The following DCC variants were observed in gnomAD, a reference collection of about 807,000 sequenced individuals.
DCC encodes DCC netrin 1 receptor, also known as netrin receptor DCC.
A neutral mutation model predicts 172.5 loss-of-function variants in DCC; 58 were observed. That is an observed-to-expected ratio of 0.34 (90% CI 0.27 to 0.42). The LOEUF is 0.42. DCC is among the 10% of genes least tolerant of loss of function. The probability of loss-of-function intolerance (pLI) is 1.00; values close to 1 mark genes in which losing one functional copy is unlikely to be tolerated. For missense variants in DCC, 1,740 were observed against 1,791.0 expected, an observed-to-expected ratio of 0.97 and a Z score of 0.51; for synonymous variants, 709 against 644.5, an observed-to-expected ratio of 1.10 and a Z score of -1.52.
At chr18:53,307,264 A>G (rs573310992) in intron 13 of DCC, among the ~76,000 whole-genome samples, 11 of 152,324 alleles carry the variant, frequency 7.2e-5, no homozygotes, top group African/African-American at 2.6e-4. Flanking sequence ...TTACCATATC[A>G]TTTTAAAAGA....
chr18:52,656,105 C>CAT (rs1012048101), intron 1 of DCC, among the ~76,000 whole-genome samples: 4 of 142,014 alleles, frequency 2.8e-5, no homozygotes, highest in African/African-American at 8.0e-5. Context: ...TATATATATA[C>CAT]ATATATATAA....
intron 1 of DCC, among the ~76,000 whole-genome samples, chr18:52,447,090 T>C (rs1030098560): frequency 1.3e-5 from 2 of 152,220 alleles, no homozygotes; most frequent in African/African-American, 4.8e-5. Context: ...AAGACTTTAG[T>C]CCTCTTGTGA....
intron 25 of DCC, among the ~76,000 whole-genome samples, chr18:53,482,050 G>T (rs1002262717): frequency 6.6e-6 from 1 of 152,186 alleles, no homozygotes; most frequent in Middle Eastern, 3.4e-3. Flanking sequence ...TGAAGCATTT[G>T]TGTGTTTGTG....
intron 15 of DCC, among the ~76,000 whole-genome samples, chr18:53,373,141 C>A (rs1323145733): frequency 6.6e-6 from 1 of 152,084 alleles, no homozygotes; most frequent in Non-Finnish European, 1.5e-5. Flanking sequence ...AGCAATCATG[C>A]ACAAAATTGT....
At chr18:53,307,840 T>A (rs1186959188) in intron 13 of DCC, among the ~76,000 whole-genome samples, 1 of 144,676 alleles carries the variant, frequency 6.9e-6, no homozygotes, top group Non-Finnish European at 1.5e-5. Context: ...AACTCTCATA[T>A]ACTGCTTGTG....
At chr18:53,021,956 A>G (rs1207234581) in intron 5 of DCC, among the ~76,000 whole-genome samples, 1 of 152,196 alleles carries the variant, frequency 6.6e-6, no homozygotes, top group Non-Finnish European at 1.5e-5. Flanking sequence ...TTGGGTTAAA[A>G]TTTGCAAAAT....
intron 1 of DCC, among the ~76,000 whole-genome samples, chr18:52,644,542 G>A (rs1433589895): frequency 1.4e-5 from 2 of 142,790 alleles, no homozygotes; most frequent in South Asian, 2.2e-4. Context: ...TTGCGCCACC[G>A]TACTCCAGCC....
chr18:53,179,361 T>C (rs531979471), intron 9 of DCC, among the ~76,000 whole-genome samples: 1 of 152,326 alleles, frequency 6.6e-6, no homozygotes, highest in Non-Finnish European at 1.5e-5. Flanking sequence ...CTATGCAGTC[T>C]ACTTATTCAT....
At chr18:53,510,376 A>G (rs2046235840) in intron 27 of DCC, among the ~76,000 whole-genome samples, 1 of 152,210 alleles carries the variant, frequency 6.6e-6, no homozygotes. Context: ...ATAATGTTAA[A>G]TCACAGAGAA....
chr18:52,356,100 G>A (rs1984351694), intron 1 of DCC, among the ~76,000 whole-genome samples: 1 of 152,204 alleles, frequency 6.6e-6, no homozygotes, highest in Admixed American at 6.5e-5. Context: ...AAAAGGAAGA[G>A]AGATGTGGCA....
intron 1 of DCC, among the ~76,000 whole-genome samples, chr18:52,502,784 A>C (rs2031080414): frequency 6.6e-6 from 1 of 152,182 alleles, no homozygotes; most frequent in Non-Finnish European, 1.5e-5. Context: ...AAAAGCCCCG[A>C]GGCGGGAGTT....
intron 3 of DCC, among the ~76,000 whole-genome samples, chr18:52,913,368 C>G (rs553048188): frequency 2.6e-5 from 4 of 152,058 alleles, no homozygotes; most frequent in African/African-American, 9.7e-5. Flanking sequence ...TTTCCCAATG[C>G]TATTTGGACG....
intron 1 of DCC, among the ~76,000 whole-genome samples, chr18:52,613,445 C>T (rs2034314122): frequency 6.6e-6 from 1 of 151,926 alleles, no homozygotes; most frequent in African/African-American, 2.4e-5. Flanking sequence ...TTAGTAGAGA[C>T]AGGGTTTCAC....
chr18:53,436,858 C>A (rs753251446), intron 22 of DCC, among the ~76,000 whole-genome samples: 32 of 152,154 alleles, frequency 2.1e-4, no homozygotes, highest in African/African-American at 7.2e-4. Context: ...AAGGTGCCAG[C>A]AGACTGGGAG....
At chr18:52,781,878 T>TTA (rs2037551136) in intron 2 of DCC, among the ~76,000 whole-genome samples, 1 of 152,156 alleles carries the variant, frequency 6.6e-6, no homozygotes, top group Non-Finnish European at 1.5e-5. Context: ...TTGTTTTTTT[T>TTA]ATACTACCAG....
chr18:52,895,567 A>G (rs910220793), intron 2 of DCC, among the ~76,000 whole-genome samples: 2 of 152,182 alleles, frequency 1.3e-5, no homozygotes, highest in African/African-American at 4.8e-5. Flanking sequence ...GAGCAATATA[A>G]TTTTCGCTCA....
At chr18:52,993,672 C>T (rs2041430966) in intron 5 of DCC, among the ~76,000 whole-genome samples, 1 of 152,028 alleles carries the variant, frequency 6.6e-6, no homozygotes, top group Non-Finnish European at 1.5e-5. Flanking sequence ...TTTGAATTCC[C>T]AGGAAGTAAT....
intron 12 of DCC, among the ~76,000 whole-genome samples, chr18:53,258,650 A>C (rs150640468): frequency 6.6e-6 from 1 of 152,224 alleles, no homozygotes; most frequent in Admixed American, 6.5e-5. Context: ...TCAGTTTTGG[A>C]ATAGGTGTGG....
Position 53,305,590 on chromosome 18 carries a change from A to C in DCC, c.1924A>C (p.Ser642Arg), listed in dbSNP as rs746298935. 1 of 1,612,582 alleles carries C rather than the reference A, an allele frequency of 6.2e-7. No individual in the cohort carries two copies. The highest frequency in any genetic ancestry group is 1.1e-5 in the South Asian group (1 of 91,052). ...TATTATTTTACAGAGTATCAAAGTT[A>C]GCTGGCTGCCTCCTCCATCAGGAAC... ...EVVNSRSIKVSWLPPPSGTQN... is the reference protein window; with the variant it reads ...EVVNSRSIKVRWLPPPSGTQN... Residue 642 changes from serine to arginine, a missense_variant, in exon 13 of 29, where the codon AGC (serine) becomes CGC (arginine). By Grantham distance (110) the Ser-to-Arg change is moderately radical. Transcript: ENST00000442544.
Sources: gnomAD v4.1 joint callset for allele counts (sites outside exome capture counted in the v4.1 genomes callset) on GRCh38, gnomAD v4.1.1 for gene constraint, MANE v1.5 for transcripts, NCBI Gene and HGNC (gene_info 2026-07-23, HGNC 2026-07-21) for gene names.